Variants in DPP6 observed in about 807,000 individuals in gnomAD.
The protein encoded by DPP6 is dipeptidyl peptidase like 6, also known as A-type potassium channel modulatory protein DPP6.
DPP6 carries 69 observed loss-of-function variants against 122.6 expected under a neutral mutation model. The ratio of observed to expected loss-of-function variants is 0.56; its 90% CI spans 0.46 to 0.69. The LOEUF (loss-of-function observed/expected upper bound fraction) is 0.69, where lower values mean the gene tolerates loss of function less well. DPP6 is among the 30% of genes least tolerant of loss of function. DPP6 has a pLI of 0.00. For synonymous variants in DPP6, 418 were observed against 433.1 expected (o/e 0.97, Z 0.43); for missense variants, 928 against 1,116.9 (o/e 0.83, Z 2.41).
intron 21 of DPP6, chr7:154,883,503 C>T (rs1157636586): frequency 1.3e-5 from 2 of 149,888 alleles, no homozygotes; most frequent in Non-Finnish European, 3.0e-5. Flanking sequence ...TGCTCAGACA[C>T]ATGCTCACCC....
chr7:153,918,563 ACAGTCTCTCTCTCT>A (rs1360962392), intron 1 of DPP6, among the ~76,000 whole-genome samples: 1 of 62,280 alleles, frequency 1.6e-5, no homozygotes, highest in Non-Finnish European at 3.2e-5. Context: ...ACACACACAC[ACAGTCTCTCTCTCT>A]CTCTCTCTCT....
intron 1 of DPP6, among the ~76,000 whole-genome samples, chr7:154,357,147 G>A (rs145947116): frequency 2.0e-5 from 3 of 152,090 alleles, no homozygotes; most frequent in Non-Finnish European, 4.4e-5. Flanking sequence ...TATAGTAAAA[G>A]CAAGAGGTTA....
At chr7:153,768,593 C>A in the DPP6 span, among the ~76,000 whole-genome samples, 1 of 152,134 alleles carries the variant, frequency 6.6e-6, no homozygotes, top group Non-Finnish European at 1.5e-5. Context: ...TGTGGTTTTG[C>A]TGTACGTTTT....
chr7:154,745,193 T>G (rs1358384253), intron 8 of DPP6, among the ~76,000 whole-genome samples: 1 of 152,206 alleles, frequency 6.6e-6, no homozygotes, highest in African/African-American at 2.4e-5. Context: ...TCTCCTGTCC[T>G]GTGATCCTGA....
the DPP6 span, among the ~76,000 whole-genome samples, chr7:153,842,684 A>T: frequency 1.3e-5 from 2 of 152,170 alleles, no homozygotes; most frequent in Non-Finnish European, 2.9e-5. Context: ...TTTCCAAATG[A>T]TTAGTAAATT....
intron 10 of DPP6, among the ~76,000 whole-genome samples, chr7:154,780,501 C>A (rs1312303446): frequency 1.3e-5 from 2 of 152,188 alleles, no homozygotes; most frequent in African/African-American, 2.4e-5. Context: ...CGTCGCCATC[C>A]TCATCAATAA....
At chr7:154,256,674 C>G (rs192537787) in intron 1 of DPP6, among the ~76,000 whole-genome samples, 4 of 152,156 alleles carry the variant, frequency 2.6e-5, no homozygotes, top group Non-Finnish European at 4.4e-5. Context: ...AGCTGTGATG[C>G]TCCTACACTG....
chr7:154,210,062 C>T (rs1799659888), intron 1 of DPP6, among the ~76,000 whole-genome samples: 1 of 152,150 alleles, frequency 6.6e-6, no homozygotes, highest in Non-Finnish European at 1.5e-5. Flanking sequence ...TCATTACTCT[C>T]AATTTTCTAC....
intron 1 of DPP6, among the ~76,000 whole-genome samples, chr7:154,406,475 GCATACACA>G (rs1563617437): frequency 1.4e-5 from 2 of 147,150 alleles, no homozygotes; most frequent in Non-Finnish European, 3.0e-5. Flanking sequence ...ACACGCACAC[GCATACACA>G]CACACACATG....
intron 6 of DPP6, among the ~76,000 whole-genome samples, chr7:154,644,315 A>C (rs934429416): frequency 6.6e-6 from 1 of 152,236 alleles, no homozygotes; most frequent in Admixed American, 6.5e-5. Context: ...TGTGATTATG[A>C]GTAGCTGGTG....
At chr7:154,438,493 A>G (rs1321065908) in intron 1 of DPP6, among the ~76,000 whole-genome samples, 51 of 149,974 alleles carry the variant, frequency 3.4e-4, no homozygotes, top group Middle Eastern at 3.4e-3. Flanking sequence ...AAAAAAAAAA[A>G]AAAAGAAAAG....
At chr7:153,925,372 T>G (rs542716646) in intron 1 of DPP6, among the ~76,000 whole-genome samples, 147 of 150,848 alleles carry the variant, frequency 9.7e-4, no homozygotes, top group African/African-American at 3.5e-3. Context: ...GCAGTTCTGA[T>G]GAAGGGAGAT....
chr7:154,359,103 C>G (rs1304610640), intron 1 of DPP6, among the ~76,000 whole-genome samples: 1 of 152,190 alleles, frequency 6.6e-6, no homozygotes, highest in Non-Finnish European at 1.5e-5. Flanking sequence ...TGCACATACC[C>G]AAGAAGACTG....
intron 1 of DPP6, among the ~76,000 whole-genome samples, chr7:154,172,590 A>G (rs1215265030): frequency 2.6e-5 from 4 of 151,518 alleles, no homozygotes; most frequent in Non-Finnish European, 4.4e-5. Flanking sequence ...TGTCTCTTCT[A>G]AAGTCTTTTT....
chr7:154,489,519 C>T (rs1824089720), intron 3 of DPP6, among the ~76,000 whole-genome samples: 1 of 152,134 alleles, frequency 6.6e-6, no homozygotes, highest in Non-Finnish European at 1.5e-5. Context: ...ATAGATATAG[C>T]ATCTGGATAT....
the DPP6 span, among the ~76,000 whole-genome samples, chr7:153,768,598 C>T: frequency 2.6e-5 from 4 of 152,084 alleles, no homozygotes; most frequent in Non-Finnish European, 4.4e-5. Context: ...TTTTGCTGTA[C>T]GTTTTCTTGA....
chr7:153,789,148 G>A, the DPP6 span, among the ~76,000 whole-genome samples: 3 of 152,080 alleles, frequency 2.0e-5, no homozygotes, highest in Admixed American at 1.3e-4. Flanking sequence ...AGATGATGTT[G>A]TGTCCAAAAT....
At chr7:154,339,840 T>A (rs747450642) in intron 1 of DPP6, among the ~76,000 whole-genome samples, 61 of 152,086 alleles carry the variant, frequency 4.0e-4, no homozygotes, top group Non-Finnish European at 6.9e-4. Flanking sequence ...TTTGGGAGCC[T>A]GAGATGGGCG....
chr7:154,185,792 G>A (rs1288901794), intron 1 of DPP6, among the ~76,000 whole-genome samples: 1 of 152,032 alleles, frequency 6.6e-6, no homozygotes, highest in Non-Finnish European at 1.5e-5. Flanking sequence ...TACTCTTTTA[G>A]GCTTTTAAAG....
Sources: allele counts gnomAD v4.1 joint callset (sites outside exome capture counted in the v4.1 genomes callset), GRCh38; gene constraint gnomAD v4.1.1; transcripts MANE v1.5; gene names NCBI Gene and HGNC (gene_info 2026-07-23, HGNC 2026-07-21).